IL1RAPL2: variants seen among roughly 807,000 people sequenced by gnomAD.
IL1RAPL2 encodes the protein interleukin 1 receptor accessory protein like 2, also known as X-linked interleukin-1 receptor accessory protein-like 2.
In IL1RAPL2, 3 loss-of-function variants were observed where a neutral mutation model predicts 44.1. The ratio of observed to expected loss-of-function variants is 0.07; its 90% confidence interval spans 0.03 to 0.18. The LOEUF is 0.18. Ranked by LOEUF, IL1RAPL2 falls within the 10% of genes least tolerant of loss-of-function variation. The pLI is 1.00. For synonymous variants in IL1RAPL2, 181 were observed against 178.8 expected (o/e 1.01, Z -0.10); for missense variants, 391 against 496.4 (o/e 0.79, Z 2.02).
intron 6 of IL1RAPL2, among the ~76,000 whole-genome samples, chrX:105,597,896 A>T (rs1396686227): frequency 2.7e-5 from 3 of 111,058 alleles, no homozygotes; most frequent in Admixed American, 9.6e-5. Flanking sequence ...CAGTATGGAC[A>T]TTTTTTTTCA....
At chrX:105,266,844 A>G (rs2034406944) in intron 4 of IL1RAPL2, among the ~76,000 whole-genome samples, 1 of 111,747 alleles carries the variant, frequency 8.9e-6, no homozygotes, top group African/African-American at 3.3e-5. Flanking sequence ...TGATTACAAG[A>G]AGGGAGATTC....
At chrX:104,939,462 T>C (rs985429155) in intron 2 of IL1RAPL2, among the ~76,000 whole-genome samples, 2 of 110,670 alleles carry the variant, frequency 1.8e-5, no homozygotes, top group Admixed American at 1.9e-4. Context: ...TTTTTTTTGG[T>C]TGTTTAGTAA....
chrX:105,295,203 C>T (rs767342132), intron 5 of IL1RAPL2, among the ~76,000 whole-genome samples: 12 of 111,139 alleles, frequency 1.1e-4, no homozygotes, highest in East Asian at 2.8e-4. Flanking sequence ...CTAGGCAGTA[C>T]GGAACCATGA....
intron 2 of IL1RAPL2, among the ~76,000 whole-genome samples, chrX:105,041,222 G>C (rs1212927855): frequency 9.0e-6 from 1 of 111,450 alleles, no homozygotes; most frequent in Non-Finnish European, 1.9e-5. Flanking sequence ...GTTCTAGTTT[G>C]ATTGCACTGT....
At chrX:105,646,389 G>A (rs1181308537) in intron 6 of IL1RAPL2, among the ~76,000 whole-genome samples, 1 of 111,690 alleles carries the variant, frequency 9.0e-6, no homozygotes, top group African/African-American at 3.3e-5. Context: ...AATAGCAATT[G>A]GCTGTATTTG....
intron 2 of IL1RAPL2, among the ~76,000 whole-genome samples, chrX:104,954,710 G>T (rs1925668993): frequency 9.0e-6 from 1 of 111,626 alleles, no homozygotes; most frequent in African/African-American, 3.3e-5. Flanking sequence ...GTAATTTCAG[G>T]TTTGGTGACT....
chrX:105,656,363 T>C (rs1028510880), intron 6 of IL1RAPL2, among the ~76,000 whole-genome samples: 15 of 112,229 alleles, frequency 1.3e-4, no homozygotes, highest in Admixed American at 1.0e-3. Flanking sequence ...TTGGAGTAGA[T>C]ACATGAAAGG....
chrX:104,894,169 G>T (rs1436807207), intron 2 of IL1RAPL2, among the ~76,000 whole-genome samples: 2 of 111,864 alleles, frequency 1.8e-5, no homozygotes, highest in Non-Finnish European at 3.8e-5. Context: ...AGTTTGATGG[G>T]CTTCCCTTTG....
intron 6 of IL1RAPL2, among the ~76,000 whole-genome samples, chrX:105,706,884 T>C (rs1375409037): frequency 9.0e-6 from 1 of 111,527 alleles, no homozygotes; most frequent in East Asian, 2.8e-4. Flanking sequence ...TTATGTAACC[T>C]CCTGTCTTCA....
At chrX:104,933,634 A>G (rs1924960256) in intron 2 of IL1RAPL2, among the ~76,000 whole-genome samples, 1 of 111,599 alleles carries the variant, frequency 9.0e-6, no homozygotes, top group Non-Finnish European at 1.9e-5. Context: ...TGGGTATTCT[A>G]GTTTTTCATG....
At chrX:105,079,515 A>G (rs1182854028) in intron 2 of IL1RAPL2, among the ~76,000 whole-genome samples, 2 of 109,649 alleles carry the variant, frequency 1.8e-5, no homozygotes, top group Non-Finnish European at 3.8e-5. Flanking sequence ...CCATGTCCCT[A>G]CAAAGGACAT....
chrX:105,015,983 T>C (rs2031166492), intron 2 of IL1RAPL2, among the ~76,000 whole-genome samples: 1 of 111,652 alleles, frequency 9.0e-6, no homozygotes, highest in Non-Finnish European at 1.9e-5. Flanking sequence ...TCCTCTCTTA[T>C]GTCCTTGAGC....
chrX:104,731,698 C>T (rs183529728), intron 2 of IL1RAPL2, among the ~76,000 whole-genome samples: 34 of 111,537 alleles, frequency 3.0e-4, no homozygotes, highest in African/African-American at 8.5e-4. Flanking sequence ...CCTTTAAAGG[C>T]GCCTGGCCTG....
intron 2 of IL1RAPL2, among the ~76,000 whole-genome samples, chrX:104,816,797 C>A (rs970917308): frequency 8.9e-6 from 1 of 111,849 alleles, no homozygotes; most frequent in Non-Finnish European, 1.9e-5. Context: ...GTTACTTAAC[C>A]TTTCTCAACT....
chrX:105,447,028 T>A (rs1213472052), intron 5 of IL1RAPL2, among the ~76,000 whole-genome samples: 1 of 83,885 alleles, frequency 1.2e-5, no homozygotes, highest in Non-Finnish European at 2.3e-5. Flanking sequence ...GGTCTTCATT[T>A]CTCCGTCATG....
chrX:105,577,888 T>A (rs1283632999), intron 6 of IL1RAPL2, among the ~76,000 whole-genome samples: 1 of 111,083 alleles, frequency 9.0e-6, no homozygotes, highest in Non-Finnish European at 1.9e-5. Flanking sequence ...TCACTTTCTT[T>A]TTATTATTAT....
At chrX:104,755,569 C>G (rs764345447) in intron 2 of IL1RAPL2, among the ~76,000 whole-genome samples, 5 of 110,393 alleles carry the variant, frequency 4.5e-5, no homozygotes, top group Non-Finnish European at 9.5e-5. Context: ...TGCTCTGCCC[C>G]CAAGTTCAGT....
At chrX:105,363,291 T>TATATATATATATATAATATATATATATA (rs1556299024) in intron 5 of IL1RAPL2, among the ~76,000 whole-genome samples, 6 of 70,265 alleles carry the variant, frequency 8.5e-5, no homozygotes, top group Middle Eastern at 6.6e-3. Flanking sequence ...ATATATATAA[T>TATATATATATATATAATATATATATATA]ATATATATAT....
chrX:105,540,322 G>A (rs2036710901), intron 6 of IL1RAPL2, among the ~76,000 whole-genome samples: 1 of 111,780 alleles, frequency 8.9e-6, no homozygotes, highest in Non-Finnish European at 1.9e-5. Context: ...TAAATAAAAT[G>A]TGGCATATAT....
Sources: allele counts gnomAD v4.1 joint callset (sites outside exome capture counted in the v4.1 genomes callset), GRCh38; gene constraint gnomAD v4.1.1; transcripts MANE v1.5; gene names NCBI Gene and HGNC (gene_info 2026-07-23, HGNC 2026-07-21).